Variants in POM121 observed in about 807,000 individuals in gnomAD.
The protein encoded by POM121 is POM121 transmembrane nucleoporin, also known as nuclear envelope pore membrane protein POM 121.
A neutral mutation model predicts 81.3 loss-of-function variants in POM121; 32 were observed. The ratio of observed to expected loss-of-function variants is 0.39; its 90% CI spans 0.30 to 0.53. The LOEUF is 0.53. POM121 is among the 20% of genes least tolerant of loss of function. The probability of loss-of-function intolerance (pLI) is 0.66; values close to 1 mark genes in which losing one functional copy is unlikely to be tolerated. For synonymous variants in POM121, 514 were observed against 694.2 expected (o/e 0.74, Z 4.08); for missense variants, 1,138 against 1,614.6 (o/e 0.70, Z 5.06).
downstream of POM121, chr7:72,948,980 G>A (rs782441692): frequency 1.8e-5 from 29 of 1,610,052 alleles, no homozygotes; most frequent in African/African-American, 5.4e-5. Flanking sequence ...TAGACGAGCC[G>A]CTGCAGGGAA....
At chr7:72,936,618 G>C (rs56135136) in intron 5 of POM121, among the ~76,000 whole-genome samples, 661 of 152,152 alleles carry the variant, frequency 4.3e-3, no homozygotes, top group Non-Finnish European at 5.2e-3. Context: ...CACCATGTTG[G>C]CCATGCTGGT....
intron 3 of POM121, among the ~76,000 whole-genome samples, chr7:72,892,074 A>G (rs1203804459): frequency 2.0e-5 from 3 of 152,336 alleles, no homozygotes; most frequent in Middle Eastern, 3.4e-3. Flanking sequence ...TCCATAGTAG[A>G]CATTCAGGAA....
chr7:72,900,418 G>T, intron 3 of POM121, among the ~76,000 whole-genome samples: 1 of 143,894 alleles, frequency 6.9e-6, no homozygotes, highest in Non-Finnish European at 1.5e-5. Flanking sequence ...ATTTTTAATT[G>T]ATCTTTTCGA....
chr7:72,925,128 C>T lies in POM121; in HGVS notation c.7C>T (p.Pro3Ser), dbSNP rs559447703. ...TCCGCGGCGCGGAGCCGCGATGTCT[C>T]CGGCGGCTGCGGCGGCTGGAGCAGG... The part of the protein sequence containing the change: MS[P>S]AAAAAGAGER... The change falls in exon 1 of 13, where the codon CCG (proline) becomes TCG (serine). Residue 3 changes from proline (P) to serine (S), a missense_variant. Coordinates refer to ENST00000434423, the MANE Select transcript of POM121 (RefSeq NM_001387691.1). The T allele has an allele frequency of 3.2e-4, 455 of 1,430,538 alleles. 9 individuals carry two copies. The Admixed American group carries it at 9.5e-3, about 30-fold the overall frequency. 88.6% of individuals were successfully genotyped at this position (1,430,538 alleles called of 1,614,324 possible). A position where few individuals can be genotyped will look rare whatever the true frequency, so the allele number is the denominator to read the frequency against.
At chr7:72,893,445 G>C (rs1359214380) in intron 3 of POM121, among the ~76,000 whole-genome samples, 1 of 151,988 alleles carries the variant, frequency 6.6e-6, no homozygotes, top group African/African-American at 2.4e-5. Flanking sequence ...TTAGCCGGGC[G>C]TGGTGGCGGG....
At chr7:72,898,489 G>C (rs1792195603) in intron 3 of POM121, among the ~76,000 whole-genome samples, 1 of 152,084 alleles carries the variant, frequency 6.6e-6, no homozygotes, top group South Asian at 2.1e-4. Flanking sequence ...GGATGAGATT[G>C]AGATGAAGAT....
intron 5 of POM121, among the ~76,000 whole-genome samples, chr7:72,937,210 G>A (rs1468693613): frequency 1.3e-5 from 2 of 150,866 alleles, no homozygotes; most frequent in African/African-American, 4.9e-5. Flanking sequence ...AGCTGAGATC[G>A]CGCCACTGCA....
At chr7:72,909,724 C>A (rs1554493957) in intron 3 of POM121, among the ~76,000 whole-genome samples, 3 of 152,314 alleles carry the variant, frequency 2.0e-5, no homozygotes, top group Non-Finnish European at 2.9e-5. Context: ...TCATAGCTCA[C>A]TGCAGCTGTA....
intron 3 of POM121, among the ~76,000 whole-genome samples, chr7:72,902,704 A>AT (rs1265763858): frequency 4.6e-5 from 7 of 151,810 alleles, no homozygotes; most frequent in Admixed American, 4.6e-4. Flanking sequence ...AATTGTTTGT[A>AT]TTTTTTGTAG....
chr7:72,896,030 C>T (rs1193494422), intron 3 of POM121, among the ~76,000 whole-genome samples: 1 of 151,948 alleles, frequency 6.6e-6, no homozygotes, highest in African/African-American at 2.4e-5. Context: ...CTGTGGCTTT[C>T]AAGCTGGGCT....
upstream of POM121, chr7:72,924,398 A>G (rs1188171245): frequency 3.3e-5 from 5 of 152,212 alleles, no homozygotes; most frequent in African/African-American, 7.2e-5. Flanking sequence ...ACTACACCAA[A>G]GTGTATTGGC....
chr7:72,928,325 C>T, intron 3 of POM121, 60 bp from the exon 4 acceptor site: 1 of 1,593,764 alleles, frequency 6.3e-7, no homozygotes, highest in Non-Finnish European at 8.6e-7. Context: ...TATGAGAATA[C>T]ACTTTAAAGG....
downstream of POM121, chr7:72,948,398 G>C (rs543720243): frequency 1.6e-5 from 26 of 1,613,362 alleles, 3 homozygotes; most frequent in African/African-American, 2.9e-4. Context: ...AACGCAAACT[G>C]CTGCCTGCGG....
intron 1 of POM121, among the ~76,000 whole-genome samples, chr7:72,882,123 A>G (rs1790217591): frequency 6.6e-6 from 1 of 152,220 alleles, no homozygotes; most frequent in Admixed American, 6.5e-5. Context: ...TGCCATCTGT[A>G]TTAGTCCATT....
At chr7:72,890,876 T>C (rs1312592153) in intron 2 of POM121, 8 of 1,216,200 alleles carry the variant, frequency 6.6e-6, no homozygotes, top group South Asian at 1.3e-5. Context: ...TATATTATTC[T>C]TCATTGAAAG....
upstream of POM121, among the ~76,000 whole-genome samples, chr7:72,922,410 G>A (rs542997296): frequency 6.8e-4 from 104 of 152,108 alleles, 1 homozygote; most frequent in Admixed American, 5.1e-3. Flanking sequence ...TTGGGGGGAT[G>A]GAGTCTCACT....
Position 72,946,158 on chromosome 7 carries a change from C to T in POM121, c.3674C>T (p.Ser1225Phe), listed in dbSNP as rs782068910. ...APFGSAALSF[S>F]IGAGSKTPGA... ...CCAGGATCGGCGGCCCTTTCATTTTCCATTGGTGCGGGATCCAAGACCCCA... is the reference window on the plus strand; with the variant it reads ...CCAGGATCGGCGGCCCTTTCATTTTTCATTGGTGCGGGATCCAAGACCCCA... The change falls in exon 13 of 13, where the codon TCC (serine) becomes TTC (phenylalanine). Residue 1225 changes from serine (S) to phenylalanine (F), a missense_variant. This residue lies in a region of POM121 where 336 missense variants were observed against 344.3 expected (regional missense o/e 0.98). Coordinates refer to ENST00000434423, the MANE Select transcript of POM121 (RefSeq NM_001387691.1). 13 of 1,611,682 alleles carry T rather than the reference C, an allele frequency of 8.1e-6. No individual in the cohort carries two copies. Among genetic ancestry groups the T allele is most frequent in the Non-Finnish European group, 1.1e-5 (13 of 1,179,732 alleles).
intron 5 of POM121, among the ~76,000 whole-genome samples, chr7:72,931,927 C>T (rs1374458128): frequency 2.2e-4 from 34 of 151,940 alleles, no homozygotes; most frequent in Admixed American, 1.6e-3. Context: ...ATTATTAAGA[C>T]GGCTGAAGTC....
downstream of POM121, chr7:72,950,031 C>T (rs781886020): frequency 1.9e-6 from 3 of 1,546,888 alleles, no homozygotes; most frequent in South Asian, 1.1e-5. Context: ...CCTACACATT[C>T]TTCCCTTTTC....
Sources: allele counts gnomAD v4.1 joint callset (sites outside exome capture counted in the v4.1 genomes callset), GRCh38; gene constraint gnomAD v4.1.1; regional missense constraint gnomAD v4.1.1; transcripts MANE v1.5; gene names NCBI Gene and HGNC (gene_info 2026-07-23, HGNC 2026-07-21).